Variants in ARHGAP15 observed in about 807,000 individuals in gnomAD.
ARHGAP15 encodes rho GTPase-activating protein 15.
ARHGAP15 carries 51 observed loss-of-function variants against 63.7 expected under a neutral mutation model. That is an observed-to-expected ratio of 0.80 (90% CI 0.64 to 1.01). The LOEUF is 1.01. Among genes scored for constraint, ARHGAP15 ranks in the 50% least tolerant of loss-of-function variants. ARHGAP15 has a pLI of 0.00. For synonymous variants in ARHGAP15, 191 were observed against 193.8 expected (o/e 0.99, Z 0.12); for missense variants, 560 against 564.6 (o/e 0.99, Z 0.08).
intron 6 of ARHGAP15, among the ~76,000 whole-genome samples, chr2:143,407,038 C>T (rs2105011555): frequency 6.6e-6 from 1 of 152,006 alleles, no homozygotes; most frequent in East Asian, 1.9e-4. Context: ...AGCTGAGTTC[C>T]TACATGGAGG....
At chr2:143,325,283 A>C (rs902576455) in intron 6 of ARHGAP15, among the ~76,000 whole-genome samples, 2 of 152,176 alleles carry the variant, frequency 1.3e-5, no homozygotes, top group Non-Finnish European at 2.9e-5. Flanking sequence ...ACCATAGTTC[A>C]GAGCATTTCT....
chr2:143,722,813 G>A (rs1303982975), intron 13 of ARHGAP15, among the ~76,000 whole-genome samples: 1 of 152,162 alleles, frequency 6.6e-6, no homozygotes, highest in Non-Finnish European at 1.5e-5. Context: ...GTGGCCAGAG[G>A]CAAAGGAGAA....
chr2:143,661,698 C>T (rs1294347383), intron 12 of ARHGAP15, among the ~76,000 whole-genome samples: 1 of 152,102 alleles, frequency 6.6e-6, no homozygotes, highest in South Asian at 2.1e-4. Context: ...AGACAGTGGG[C>T]ACAGGTCAGT....
chr2:143,263,252 C>A (rs1253553195), intron 6 of ARHGAP15, among the ~76,000 whole-genome samples: 2 of 152,138 alleles, frequency 1.3e-5, no homozygotes, highest in Non-Finnish European at 2.9e-5. Flanking sequence ...CAGGCAAGAT[C>A]ATGAATCACC....
intron 8 of ARHGAP15, among the ~76,000 whole-genome samples, chr2:143,463,877 A>G (rs1375215436): frequency 6.6e-6 from 1 of 152,190 alleles, no homozygotes; most frequent in African/African-American, 2.4e-5. Context: ...TTAAAAAGCC[A>G]TTACAGGCAC....
At chr2:143,359,310 A>G (rs918607029) in intron 6 of ARHGAP15, among the ~76,000 whole-genome samples, 1 of 152,158 alleles carries the variant, frequency 6.6e-6, no homozygotes, top group Non-Finnish European at 1.5e-5. Context: ...TGCAACATCT[A>G]CATTTCTCAA....
At chr2:143,307,445 A>T (rs575717222) in intron 6 of ARHGAP15, among the ~76,000 whole-genome samples, 28 of 152,278 alleles carry the variant, frequency 1.8e-4, no homozygotes, top group Non-Finnish European at 3.7e-4. Context: ...AGGGCATTTC[A>T]TTTGGCAATA....
chr2:143,575,152 T>G (rs1696627225), intron 11 of ARHGAP15, among the ~76,000 whole-genome samples: 1 of 152,190 alleles, frequency 6.6e-6, no homozygotes, highest in Non-Finnish European at 1.5e-5. Context: ...CTTGCTGAGT[T>G]TCACTCTCCC....
intron 6 of ARHGAP15, among the ~76,000 whole-genome samples, chr2:143,327,238 C>G (rs1308808349): frequency 6.6e-6 from 1 of 151,902 alleles, no homozygotes; most frequent in East Asian, 1.9e-4. Flanking sequence ...GAACTATAAA[C>G]CACTGTGAGG....
At chr2:143,745,412 T>A (rs1298566829) in intron 13 of ARHGAP15, among the ~76,000 whole-genome samples, 1 of 152,120 alleles carries the variant, frequency 6.6e-6, no homozygotes, top group Non-Finnish European at 1.5e-5. Context: ...CCAGAGCAGG[T>A]CTCTTTGTCC....
chr2:143,333,232 CT>C (rs1176927456), intron 6 of ARHGAP15, among the ~76,000 whole-genome samples: 2 of 152,152 alleles, frequency 1.3e-5, no homozygotes, highest in Non-Finnish European at 2.9e-5. Context: ...TCTAATATGA[CT>C]TTTCTGAAAG....
At chr2:143,684,017 T>A (rs1683217462) in intron 12 of ARHGAP15, among the ~76,000 whole-genome samples, 1 of 151,886 alleles carries the variant, frequency 6.6e-6, no homozygotes, top group East Asian at 1.9e-4. Flanking sequence ...GAAGAAAACT[T>A]AAAAAAAAAT....
intron 6 of ARHGAP15, among the ~76,000 whole-genome samples, chr2:143,382,702 C>T (rs145836614): frequency 3.7e-4 from 56 of 152,230 alleles, no homozygotes; most frequent in Admixed American, 7.9e-4. Flanking sequence ...CACTTGCTTC[C>T]GAAAGAAATG....
intron 3 of ARHGAP15, among the ~76,000 whole-genome samples, chr2:143,214,774 C>T (rs1371163292): frequency 6.6e-6 from 1 of 151,894 alleles, no homozygotes; most frequent in Non-Finnish European, 1.5e-5. Context: ...AAACTAAGTC[C>T]CGTGCTATGT....
chr2:143,197,593 T>G (rs1691932238), intron 2 of ARHGAP15, among the ~76,000 whole-genome samples: 1 of 152,004 alleles, frequency 6.6e-6, no homozygotes, highest in Non-Finnish European at 1.5e-5. Context: ...CCATTTTGGA[T>G]CCAGAATTTC....
At chr2:143,571,298 A>T (rs1302758821) in intron 11 of ARHGAP15, among the ~76,000 whole-genome samples, 1 of 152,146 alleles carries the variant, frequency 6.6e-6, no homozygotes, top group African/African-American at 2.4e-5. Context: ...TTCCCCTTAC[A>T]ATCTGTGAAA....
intron 6 of ARHGAP15, among the ~76,000 whole-genome samples, chr2:143,330,664 T>C (rs1179701521): frequency 6.6e-6 from 1 of 152,212 alleles, no homozygotes; most frequent in Non-Finnish European, 1.5e-5. Context: ...AATGGAATTA[T>C]GATTTCTAAT....
chr2:143,734,495 C>T (rs1685668532), intron 13 of ARHGAP15, among the ~76,000 whole-genome samples: 1 of 152,142 alleles, frequency 6.6e-6, no homozygotes, highest in Non-Finnish European at 1.5e-5. Context: ...CCTTTGTTCC[C>T]TCGTAAAAAA....
intron 10 of ARHGAP15, among the ~76,000 whole-genome samples, chr2:143,524,215 T>A (rs1487791364): frequency 1.9e-4 from 1 of 5,284 alleles, no homozygotes; most frequent in Non-Finnish European, 4.5e-4. Context: ...GCTGTTATAT[T>A]TTTTTTGCTG....
Sources: gnomAD v4.1 joint callset for allele counts (sites outside exome capture counted in the v4.1 genomes callset) on GRCh38, gnomAD v4.1.1 for gene constraint, MANE v1.5 for transcripts, NCBI Gene and HGNC (gene_info 2026-07-23, HGNC 2026-07-21) for gene names.